FOXJ3: variants seen among roughly 807,000 people sequenced by gnomAD.
FOXJ3 encodes forkhead box protein J3.
A neutral mutation model predicts 76.1 loss-of-function variants in FOXJ3; 22 were observed. That is an observed-to-expected ratio of 0.29 (90% CI 0.21 to 0.41). FOXJ3 has a LOEUF of 0.41. Among genes scored for constraint, FOXJ3 ranks in the 10% least tolerant of loss-of-function variants. FOXJ3 has a pLI of 1.00. For missense variants in FOXJ3, 613 were observed against 762.1 expected (o/e 0.80, Z 2.30); for synonymous variants, 269 against 261.2 (o/e 1.03, Z -0.29).
At chr1:42,217,150 C>T (rs1451571926) in intron 5 of FOXJ3, among the ~76,000 whole-genome samples, 1 of 152,078 alleles carries the variant, frequency 6.6e-6, no homozygotes, top group Non-Finnish European at 1.5e-5. Context: ...ACTATTAGAA[C>T]AAGATAATAA....
intron 4 of FOXJ3, among the ~76,000 whole-genome samples, chr1:42,245,389 A>C (rs1244608555): frequency 2.6e-5 from 4 of 152,202 alleles, no homozygotes; most frequent in Non-Finnish European, 5.9e-5. Flanking sequence ...CAGGCCAATT[A>C]TCTCTGATGT....
intron 5 of FOXJ3, among the ~76,000 whole-genome samples, chr1:42,216,849 A>C (rs1647079892): frequency 6.6e-6 from 1 of 152,258 alleles, no homozygotes; most frequent in South Asian, 2.1e-4. Context: ...ATCTAAAAGA[A>C]GGCAGGAAAA....
At chr1:42,237,411 T>TATATATATATATACATACATACATAC (rs1648751294) in intron 4 of FOXJ3, among the ~76,000 whole-genome samples, 1 of 25,722 alleles carries the variant, frequency 3.9e-5, no homozygotes, top group African/African-American at 7.1e-5. Flanking sequence ...CATACATATA[T>TATATATATATATACATACATACATAC]ATATATATAT....
chr1:42,252,480 A>G (rs1443610546), intron 4 of FOXJ3, among the ~76,000 whole-genome samples: 1 of 151,590 alleles, frequency 6.6e-6, no homozygotes. Flanking sequence ...TCCCTTTATC[A>G]TTTTTTATTG....
chr1:42,268,275 T>C (rs371456262), intron 3 of FOXJ3, among the ~76,000 whole-genome samples: 11 of 151,544 alleles, frequency 7.3e-5, no homozygotes, highest in African/African-American at 2.4e-4. Context: ...TCAAAAACTA[T>C]GCAAGCCAGA....
intron 3 of FOXJ3, among the ~76,000 whole-genome samples, chr1:42,273,069 C>A (rs1218232440): frequency 6.6e-6 from 1 of 152,190 alleles, no homozygotes; most frequent in Non-Finnish European, 1.5e-5. Flanking sequence ...TCATACTCCC[C>A]ATAAACTCAT....
intron 2 of FOXJ3, among the ~76,000 whole-genome samples, chr1:42,304,668 G>T (rs1218033566): frequency 6.6e-6 from 1 of 152,156 alleles, no homozygotes; most frequent in South Asian, 2.1e-4. Flanking sequence ...CTTCAACAAG[G>T]TGCTGGGAAA....
At position 42,186,306 on chromosome 1, in the gene FOXJ3, A is replaced by G. The variant is rs540456748; in HGVS notation, c.1645+2431T>C. ...TGAAGTGATGAATACTTGGAGCACC[A>G]TAATTGATGAGAGAACAACTGTTGT... On this transcript the variant is annotated intron_variant, in intron 11 of 12. Coordinates refer to ENST00000361346, the MANE Select transcript of FOXJ3 (RefSeq NM_014947.5). 7.2e-5 allele frequency among the ~76,000 whole-genome samples: 11 copies of G among 152,288 alleles called. No homozygotes were observed. The South Asian group carries it at 2.3e-3, about 32-fold the overall frequency.
chr1:42,251,968 C>T (rs1353621948), intron 4 of FOXJ3, among the ~76,000 whole-genome samples: 40 of 152,042 alleles, frequency 2.6e-4, no homozygotes, highest in Non-Finnish European at 5.0e-4. Context: ...CCGCCCATCT[C>T]GGCCTCCCAA....
At chr1:42,266,244 G>A (rs1304356513) in intron 3 of FOXJ3, among the ~76,000 whole-genome samples, 1 of 152,040 alleles carries the variant, frequency 6.6e-6, no homozygotes, top group Non-Finnish European at 1.5e-5. Flanking sequence ...GATGACTACA[G>A]AATATAAATT....
At chr1:42,268,151 C>T (rs995001637) in intron 3 of FOXJ3, among the ~76,000 whole-genome samples, 33 of 151,950 alleles carry the variant, frequency 2.2e-4, no homozygotes, top group African/African-American at 7.5e-4. Context: ...AAATCCACAT[C>T]CCCATATTAA....
At chr1:42,220,320 A>T (rs1409951673) in intron 5 of FOXJ3, among the ~76,000 whole-genome samples, 1 of 152,176 alleles carries the variant, frequency 6.6e-6, no homozygotes, top group Non-Finnish European at 1.5e-5. Context: ...GTGCACATAC[A>T]CACTTGAAAA....
At chr1:42,223,096 T>C (rs1647285714) in intron 5 of FOXJ3, among the ~76,000 whole-genome samples, 1 of 152,226 alleles carries the variant, frequency 6.6e-6, no homozygotes, top group African/African-American at 2.4e-5. Context: ...AGTACCCTAG[T>C]ACAATGCCTG....
intron 4 of FOXJ3, among the ~76,000 whole-genome samples, chr1:42,247,024 G>A (rs1649608790): frequency 6.6e-6 from 1 of 152,172 alleles, no homozygotes; most frequent in African/African-American, 2.4e-5. Context: ...AGGATGGGAA[G>A]AGTGTAGCAG....
intron 3 of FOXJ3, among the ~76,000 whole-genome samples, chr1:42,268,003 A>G (rs899783475): frequency 6.6e-6 from 1 of 152,078 alleles, no homozygotes; most frequent in Non-Finnish European, 1.5e-5. Flanking sequence ...AAATGCAATT[A>G]AAGTCCCAGA....
At chr1:42,325,702 T>G (rs143896780) in intron 1 of FOXJ3, among the ~76,000 whole-genome samples, 33 of 152,340 alleles carry the variant, frequency 2.2e-4, no homozygotes, top group African/African-American at 7.2e-4. Flanking sequence ...GGATTTAAAT[T>G]GGAGTGCTAT....
intron 4 of FOXJ3, among the ~76,000 whole-genome samples, chr1:42,252,783 T>A (rs1334199351): frequency 1.3e-5 from 2 of 152,214 alleles, no homozygotes; most frequent in African/African-American, 4.8e-5. Flanking sequence ...AATTTCCCTC[T>A]ACACATTTAG....
chr1:42,185,494 T>G (rs1443142409), intron 11 of FOXJ3, among the ~76,000 whole-genome samples: 2 of 151,890 alleles, frequency 1.3e-5, no homozygotes, highest in Non-Finnish European at 2.9e-5. Context: ...TCTCCTGACC[T>G]CATGATCCGC....
At chr1:42,224,136 C>T (rs972973187) in intron 5 of FOXJ3, among the ~76,000 whole-genome samples, 4 of 152,140 alleles carry the variant, frequency 2.6e-5, no homozygotes, top group Non-Finnish European at 4.4e-5. Flanking sequence ...TGCCAAAAGT[C>T]ACAGGAACTA....
Sources: gnomAD v4.1 joint callset for allele counts (sites outside exome capture counted in the v4.1 genomes callset) on GRCh38, gnomAD v4.1.1 for gene constraint, MANE v1.5 for transcripts, NCBI Gene and HGNC (gene_info 2026-07-23, HGNC 2026-07-21) for gene names.